The following CDK7 variants were observed in gnomAD, a reference collection of about 807,000 sequenced individuals.
The protein encoded by CDK7 is cyclin dependent kinase 7, also known as cyclin-dependent kinase 7.
Under a neutral mutation model 49.1 loss-of-function variants are expected in CDK7, and 25 were observed. The ratio of observed to expected loss-of-function variants is 0.51; its 90% CI spans 0.37 to 0.71. CDK7 has a LOEUF of 0.71. Ranked by LOEUF, CDK7 falls within the 30% of genes least tolerant of loss-of-function variation. The pLI, the probability that CDK7 is intolerant of heterozygous loss-of-function variation, is 0.00. For missense variants in CDK7, 316 were observed against 411.7 expected (o/e 0.77, Z 2.01); for synonymous variants, 107 against 140.0 (o/e 0.76, Z 1.67).
At chr5:69,258,174 TC>T (rs770094818) in intron 6 of CDK7, 21 bp downstream of exon 6, 1 of 1,130,694 alleles carries the variant, frequency 8.8e-7, no homozygotes, top group South Asian at 1.4e-5. Context: ...TAATATTGCT[TC>T]TTTATACTAG....
chr5:69,277,339 G>A lies in CDK7; in HGVS notation c.*204G>A. The A allele has an allele frequency of 2.4e-6, 1 of 423,438 alleles. No individual in the cohort carries two copies. The highest frequency in any genetic ancestry group is 4.2e-6 in the Non-Finnish European group (1 of 235,330). 26.2% of individuals were successfully genotyped at this position (423,438 alleles called of 1,614,324 possible). Reference sequence around the variant, plus strand: ...TGGTTTTTCTGATTAGAGTGCAAAAGTGAGAAAAGTTCAATACTCTTGAAA... The same window carrying A: ...TGGTTTTTCTGATTAGAGTGCAAAAATGAGAAAAGTTCAATACTCTTGAAA... On this transcript the variant is annotated 3_prime_UTR_variant, in exon 12 of 12. Transcript: ENST00000256443.
intron 9 of CDK7, among the ~76,000 whole-genome samples, chr5:69,271,104 A>C (rs1029268750): frequency 7.2e-5 from 11 of 152,202 alleles, no homozygotes; most frequent in African/African-American, 2.7e-4. Context: ...TGAATGCTCC[A>C]GTTTCTTGGA....
chr5:69,235,253 A>T, intron 1 of CDK7, 141 bp from the exon 2 acceptor site: 1 of 780,674 alleles, frequency 1.3e-6, no homozygotes, highest in Non-Finnish European at 2.2e-6. Context: ...CTGGAGCTGG[A>T]CGGAGACTGA....
chr5:69,265,604 T>C (rs1438474965), intron 8 of CDK7, among the ~76,000 whole-genome samples: 4 of 152,148 alleles, frequency 2.6e-5, no homozygotes, highest in Non-Finnish European at 5.9e-5. Context: ...AACTACAATT[T>C]ATTACATCAG....
chr5:69,265,486 G>A (rs1409101700), intron 8 of CDK7, among the ~76,000 whole-genome samples: 1 of 152,212 alleles, frequency 6.6e-6, no homozygotes, highest in Non-Finnish European at 1.5e-5. Context: ...AATGGCATGA[G>A]CCTTCTCAAC....
At chr5:69,276,935 T>C (rs973680454) in intron 11 of CDK7, among the ~76,000 whole-genome samples, 172 bp from the exon 12 acceptor site, 1 of 152,276 alleles carries the variant, frequency 6.6e-6, no homozygotes, top group African/African-American at 2.4e-5. Context: ...CTTGTTCCCT[T>C]CATAAATTCC....
chr5:69,258,026 G>A lies in CDK7; in HGVS notation c.298-17G>A, dbSNP rs996797854. ...AAATAATAAAGGGTACCTGTATATT[G>A]TATACTTGCTTTACAGGTTATAATA... is the stretch of plus-strand genomic sequence containing the variant. On this transcript the variant is annotated splice_polypyrimidine_tract_variant and intron_variant, in intron 5 of 11. Transcript: ENST00000256443. The A allele has an allele frequency of 8.4e-7, 1 of 1,186,460 alleles. No homozygotes were observed. The allele number at this position is 1,186,460 out of a possible 1,614,324, so 73.5% of individuals were successfully genotyped here.
chr5:69,263,909 T>C (rs191597966), intron 8 of CDK7, among the ~76,000 whole-genome samples: 1 of 152,358 alleles, frequency 6.6e-6, no homozygotes, highest in African/African-American at 2.4e-5. Context: ...ATTGGCATTG[T>C]TGCTGGAATC....
intron 5 of CDK7, among the ~76,000 whole-genome samples, chr5:69,257,085 T>C (rs1750538369): frequency 6.6e-6 from 1 of 152,080 alleles, no homozygotes; most frequent in South Asian, 2.1e-4. Context: ...CTAAAAAGAC[T>C]ATGTATTGAA....
chr5:69,237,548 A>T (rs1220401137), intron 2 of CDK7, among the ~76,000 whole-genome samples: 1 of 152,054 alleles, frequency 6.6e-6, no homozygotes, highest in Non-Finnish European at 1.5e-5. Flanking sequence ...TCGATGTGGC[A>T]TTTGTCGAAA....
chr5:69,247,036 ATCAT>A (rs1749800979), intron 2 of CDK7, among the ~76,000 whole-genome samples: 1 of 152,328 alleles, frequency 6.6e-6, no homozygotes, highest in Non-Finnish European at 1.5e-5. Context: ...GTCCTTGAGA[ATCAT>A]TCATTTGCTG....
intron 2 of CDK7, among the ~76,000 whole-genome samples, chr5:69,244,740 G>A (rs1047331618): frequency 2.6e-5 from 4 of 151,868 alleles, no homozygotes; most frequent in Non-Finnish European, 4.4e-5. Context: ...GAATAACAGT[G>A]GTGAAAGTGG....
chr5:69,243,058 A>T (rs1327093590), intron 2 of CDK7, among the ~76,000 whole-genome samples: 1 of 152,220 alleles, frequency 6.6e-6, no homozygotes, highest in Non-Finnish European at 1.5e-5. Flanking sequence ...AAAAAAAAGC[A>T]AAGATGGAGT....
chr5:69,265,855 A>AG (rs1374168155), intron 8 of CDK7, among the ~76,000 whole-genome samples: 4 of 152,072 alleles, frequency 2.6e-5, no homozygotes, highest in African/African-American at 9.7e-5. Context: ...GGCTGCAAGG[A>AG]GGTGATATCG....
rs754403942 is a variant in CDK7 at position 69,235,463 on chromosome 5, CT to C, written c.126+15del. Reference sequence around the variant, plus strand: ...TGTCGCCATTAAGAAAGTGAGTTACCTTTTTATGTTGTTTTTAAGTCTCCTT... The same window carrying C: ...TGTCGCCATTAAGAAAGTGAGTTACCTTTTATGTTGTTTTTAAGTCTCCTT... On this transcript the variant is annotated intron_variant, in intron 2 of 11. Transcript: ENST00000256443. 5 of 1,575,822 alleles carry C rather than the reference CT, an allele frequency of 3.2e-6. 1 individual carries two copies. The highest frequency in any genetic ancestry group is 4.4e-6 in the Non-Finnish European group (5 of 1,145,870).
intron 8 of CDK7, among the ~76,000 whole-genome samples, chr5:69,265,741 C>T (rs1373075379): frequency 1.3e-5 from 2 of 152,044 alleles, no homozygotes; most frequent in Non-Finnish European, 2.9e-5. Context: ...GAAACCCTGT[C>T]TCTACCAAAA....
rs748704232 is a variant in CDK7, at chr5:69,258,056, A to G, written c.311A>G (p.Asp104Gly). 1.3e-6 allele frequency: 2 copies of G among 1,555,364 alleles called. No homozygotes were observed. The highest frequency in any genetic ancestry group is 1.8e-4 in the Middle Eastern group (1 of 5,670). ...METDLEVIIKDNSLVLTPSHI... is the reference protein window; with the variant it reads ...METDLEVIIKGNSLVLTPSHI... The stretch of plus-strand genomic sequence containing the variant: ...CTTGCTTTACAGGTTATAATAAAGG[A>G]TAATAGTCTTGTGCTGACACCATCA... Residue 104 changes from aspartate to glycine, a missense_variant, in exon 6 of 12, where the codon GAT (aspartate) becomes GGT (glycine). Physicochemically the swap from Asp to Gly is moderately conservative, Grantham distance 94. Transcript: ENST00000256443.
In CDK7 at chr5:69,269,281, G is replaced by A; in HGVS notation, c.702G>A (p.Glu234=). The part of the protein sequence containing the change: ...RIFETLGTPT[E]EQWPDMCSLP... The stretch of plus-strand genomic sequence containing the variant: ...TTGAAACTTTGGGCACACCAACTGA[G>A]GAACAGTGGCCGGTAAGCCTTTATG... The change falls in exon 9 of 12, where the codon GAG becomes GAA. Residue 234 remains glutamate (E), a synonymous_variant. Transcript: ENST00000256443. The A allele has an allele frequency of 1.2e-6, 2 of 1,609,550 alleles. No individual in the cohort carries two copies. The highest frequency in any genetic ancestry group is 1.7e-6 in the Non-Finnish European group (2 of 1,177,942).
At chr5:69,271,478 T>G (rs2150231424) in intron 9 of CDK7, among the ~76,000 whole-genome samples, 1 of 151,964 alleles carries the variant, frequency 6.6e-6, no homozygotes, top group South Asian at 2.1e-4. Context: ...AGAGCTCTTT[T>G]GCCCAGCCCA....
Sources: gnomAD v4.1 joint callset for allele counts (sites outside exome capture counted in the v4.1 genomes callset) on GRCh38, gnomAD v4.1.1 for gene constraint, MANE v1.5 for transcripts, NCBI Gene and HGNC (gene_info 2026-07-23, HGNC 2026-07-21) for gene names.